Variants in ZBTB20 observed in about 807,000 individuals in gnomAD.
ZBTB20 encodes the protein zinc finger and BTB domain containing 20.
A neutral mutation model predicts 56.9 loss-of-function variants in ZBTB20; 9 were observed. The ratio of observed to expected loss-of-function variants is 0.16; its 90% CI spans 0.10 to 0.28. ZBTB20 has a LOEUF of 0.28. Ranked by LOEUF, ZBTB20 falls within the 10% of genes least tolerant of loss-of-function variation. ZBTB20 has a pLI of 1.00. For synonymous variants in ZBTB20, 417 were observed against 420.7 expected (o/e 0.99, Z 0.11); for missense variants, 655 against 1,003.0 (o/e 0.65, Z 4.69).
At chr3:115,022,069 A>G (rs1471055248) in intron 2 of ZBTB20, among the ~76,000 whole-genome samples, 1 of 150,772 alleles carries the variant, frequency 6.6e-6, no homozygotes, top group African/African-American at 2.4e-5. Context: ...AAAAGATTTG[A>G]ATCTATTCAC....
chr3:114,797,047 C>T (rs145676212), intron 5 of ZBTB20, among the ~76,000 whole-genome samples: 1,748 of 151,786 alleles, frequency 0.012, 14 homozygotes, highest in South Asian at 0.041. Flanking sequence ...CTTAACTCCA[C>T]CATTTTCTCA....
rs72952519 is a variant in ZBTB20 at position 114,468,102 on chromosome 3, A to G, written c.-255+32250T>C. Among the ~76,000 whole-genome samples the G allele has an allele frequency of 3.2e-3, 493 of 152,346 alleles. 2 individuals carry two copies. Among genetic ancestry groups the G allele is most frequent in the African/African-American group, 0.011 (462 of 41,574 alleles). ...TTGAATATTTTTTTATGTCACCAAA[A>G]GGTGCTTTAGAAGAACAAACTAACT... On this transcript the variant is annotated intron_variant, in intron 7 of 11. Coordinates refer to ENST00000675478, the MANE Select transcript of ZBTB20 (RefSeq NM_001348800.3).
chr3:114,408,307 A>G (rs999912354), intron 7 of ZBTB20, among the ~76,000 whole-genome samples: 3 of 152,226 alleles, frequency 2.0e-5, no homozygotes, highest in Non-Finnish European at 4.4e-5. Flanking sequence ...ACTGCAGACT[A>G]AAGCAGAAGT....
intron 2 of ZBTB20, among the ~76,000 whole-genome samples, chr3:115,022,660 T>C (rs72960387): frequency 6.6e-6 from 1 of 150,928 alleles, no homozygotes; most frequent in South Asian, 2.1e-4. Flanking sequence ...CCTCCTCTAC[T>C]CCCTTCAAAC....
chr3:114,951,001 A>G (rs1264172054), intron 3 of ZBTB20, among the ~76,000 whole-genome samples: 2 of 152,136 alleles, frequency 1.3e-5, no homozygotes, highest in African/African-American at 4.8e-5. Flanking sequence ...TAATATTAGA[A>G]GTCATGATAG....
At chr3:114,872,802 G>A (rs907504477) in intron 4 of ZBTB20, among the ~76,000 whole-genome samples, 1 of 151,998 alleles carries the variant, frequency 6.6e-6, no homozygotes, top group Non-Finnish European at 1.5e-5. Flanking sequence ...TTCAAAGTCC[G>A]CCCTTTCTAA....
intron 6 of ZBTB20, among the ~76,000 whole-genome samples, chr3:114,607,193 A>ACAATATGCAATATGAGGTTATAATAATCT (rs1186608707): frequency 2.5e-4 from 38 of 152,292 alleles, no homozygotes; most frequent in African/African-American, 5.8e-4. Context: ...GTTATAATTC[A>ACAATATGCAATATGAGGTTATAATAATCT]CAATATGCAA....
intron 2 of ZBTB20, among the ~76,000 whole-genome samples, chr3:115,013,835 A>T (rs968032142): frequency 2.0e-5 from 3 of 151,588 alleles, no homozygotes; most frequent in African/African-American, 7.3e-5. Context: ...TATTAGTACA[A>T]CCACTATGGA....
intron 4 of ZBTB20, among the ~76,000 whole-genome samples, chr3:114,845,629 A>G (rs1156313541): frequency 6.6e-6 from 1 of 152,012 alleles, no homozygotes; most frequent in Non-Finnish European, 1.5e-5. Flanking sequence ...TTCAACCAGC[A>G]GTGTCCCCAA....
intron 1 of ZBTB20, among the ~76,000 whole-genome samples, chr3:115,125,839 A>T (rs895250782): frequency 1.3e-5 from 2 of 152,216 alleles, no homozygotes; most frequent in Non-Finnish European, 2.9e-5. Context: ...TCAATTAAAA[A>T]TAAGTTAAAT....
chr3:114,549,891 T>G (rs756516996), intron 6 of ZBTB20, among the ~76,000 whole-genome samples: 1 of 152,036 alleles, frequency 6.6e-6, no homozygotes, highest in Non-Finnish European at 1.5e-5. Context: ...TGCTTTTCTG[T>G]TTCCTCAATT....
intron 1 of ZBTB20, among the ~76,000 whole-genome samples, chr3:115,108,784 T>G (rs966436116): frequency 6.6e-6 from 1 of 151,998 alleles, no homozygotes; most frequent in African/African-American, 2.4e-5. Flanking sequence ...GAATAGTAAA[T>G]AGCAAAGAGT....
intron 7 of ZBTB20, among the ~76,000 whole-genome samples, chr3:114,455,828 G>A (rs2091979533): frequency 6.6e-6 from 1 of 152,152 alleles, no homozygotes; most frequent in South Asian, 2.1e-4. Flanking sequence ...GACAAACAGA[G>A]CTGGCAAGGC....
intron 4 of ZBTB20, among the ~76,000 whole-genome samples, chr3:114,846,481 G>A (rs1172983452): frequency 1.3e-5 from 2 of 152,170 alleles, no homozygotes; most frequent in African/African-American, 4.8e-5. Context: ...GGAGTGTCCT[G>A]GTGAGGGCAC....
chr3:114,660,261 T>C (rs910118983), intron 6 of ZBTB20, among the ~76,000 whole-genome samples: 1 of 152,168 alleles, frequency 6.6e-6, no homozygotes, highest in African/African-American at 2.4e-5. Context: ...TTCGTTTCCC[T>C]CGGTTGGAGA....
At chr3:114,763,673 AAT>A (rs1489353125) in intron 5 of ZBTB20, among the ~76,000 whole-genome samples, 1 of 152,172 alleles carries the variant, frequency 6.6e-6, no homozygotes, top group Non-Finnish European at 1.5e-5. Context: ...TATTGGAATA[AAT>A]AGAGATTATT....
chr3:115,120,318 G>A (rs2084148076), intron 1 of ZBTB20, among the ~76,000 whole-genome samples: 1 of 151,940 alleles, frequency 6.6e-6, no homozygotes. Flanking sequence ...GCTCAAATTT[G>A]CTGTGAACCT....
chr3:114,754,261 T>C (rs1198744179), intron 5 of ZBTB20, among the ~76,000 whole-genome samples: 1 of 152,164 alleles, frequency 6.6e-6, no homozygotes. Flanking sequence ...GTTCTCAGAA[T>C]GTCTGGTATA....
chr3:114,587,890 TGA>T (rs1435856500), intron 6 of ZBTB20, among the ~76,000 whole-genome samples: 1 of 152,248 alleles, frequency 6.6e-6, no homozygotes, highest in Non-Finnish European at 1.5e-5. Context: ...CTGAGAAAGC[TGA>T]GTTTCATCAA....
Sources: gnomAD v4.1 joint callset for allele counts (sites outside exome capture counted in the v4.1 genomes callset) on GRCh38, gnomAD v4.1.1 for gene constraint, MANE v1.5 for transcripts, NCBI Gene and HGNC (gene_info 2026-07-23, HGNC 2026-07-21) for gene names.